Variants in CACNB2 observed in about 807,000 individuals in gnomAD.
CACNB2 encodes calcium voltage-gated channel auxiliary subunit beta 2.
A neutral mutation model predicts 73.3 loss-of-function variants in CACNB2; 42 were observed. The ratio of observed to expected loss-of-function variants is 0.57; its 90% CI spans 0.45 to 0.74. CACNB2 has a LOEUF of 0.74. CACNB2 is among the 30% of genes least tolerant of loss of function. The pLI is 0.00. For missense variants in CACNB2, 940 were observed against 853.0 expected (o/e 1.10, Z -1.27); for synonymous variants, 348 against 310.3 (o/e 1.12, Z -1.28).
intron 2 of CACNB2, among the ~76,000 whole-genome samples, chr10:18,323,174 G>T (rs2040457601): frequency 6.6e-6 from 1 of 151,658 alleles, no homozygotes; most frequent in South Asian, 2.1e-4. Flanking sequence ...GCCCAGGCTG[G>T]TCTTGAACTC....
At chr10:18,478,391 G>A (rs945156593) in intron 3 of CACNB2, among the ~76,000 whole-genome samples, 3 of 152,136 alleles carry the variant, frequency 2.0e-5, no homozygotes, top group Non-Finnish European at 2.9e-5. Context: ...CTCCAATTGC[G>A]ACATTCTTCA....
intron 2 of CACNB2, among the ~76,000 whole-genome samples, chr10:18,232,785 A>G (rs1300591335): frequency 1.3e-5 from 2 of 152,188 alleles, no homozygotes; most frequent in Admixed American, 6.5e-5. Flanking sequence ...ATATCCCAGT[A>G]TCTTTTGAAT....
intron 2 of CACNB2, among the ~76,000 whole-genome samples, chr10:18,155,477 G>A (rs1456164788): frequency 6.6e-6 from 1 of 152,114 alleles, no homozygotes; most frequent in Non-Finnish European, 1.5e-5. Flanking sequence ...GTAGACATTG[G>A]GCCATTTCCA....
chr10:18,351,094 A>G (rs1412754653), intron 2 of CACNB2, among the ~76,000 whole-genome samples: 1 of 152,080 alleles, frequency 6.6e-6, no homozygotes, highest in Non-Finnish European at 1.5e-5. Context: ...AGGAGAATGT[A>G]TATAAAAACA....
intron 2 of CACNB2, among the ~76,000 whole-genome samples, chr10:18,312,678 C>T (rs1366491868): frequency 1.3e-5 from 2 of 152,168 alleles, no homozygotes; most frequent in Non-Finnish European, 2.9e-5. Context: ...TGTCTTCATA[C>T]ACTGAATTAG....
At chr10:18,486,367 C>T (rs947547877) in intron 3 of CACNB2, among the ~76,000 whole-genome samples, 1 of 152,128 alleles carries the variant, frequency 6.6e-6, no homozygotes, top group Admixed American at 6.6e-5. Flanking sequence ...TATTTCATAA[C>T]CAAAGATATT....
chr10:18,501,308 A>G (rs2050181074), intron 5 of CACNB2, among the ~76,000 whole-genome samples: 1 of 152,214 alleles, frequency 6.6e-6, no homozygotes, highest in African/African-American at 2.4e-5. Flanking sequence ...GCTGCCTGGT[A>G]TGGCTGGGAG....
At chr10:18,287,490 A>C (rs1167810933) in intron 2 of CACNB2, among the ~76,000 whole-genome samples, 2 of 152,194 alleles carry the variant, frequency 1.3e-5, no homozygotes, top group Non-Finnish European at 2.9e-5. Context: ...GGTGTAACAA[A>C]AGCACCAAAA....
intron 12 of CACNB2, 139 bp from the exon 13 acceptor site, chr10:18,538,041 G>GAGAC (rs2053778341): frequency 1.4e-5 from 11 of 799,496 alleles, no homozygotes; most frequent in Non-Finnish European, 2.4e-5. Flanking sequence ...AATAAAAAGG[G>GAGAC]AGATAGTAGC....
chr10:18,261,246 C>T, intron 2 of CACNB2: 1 of 1,550,784 alleles, frequency 6.4e-7, no homozygotes, highest in East Asian at 2.4e-5. Flanking sequence ...AAGCCACACG[C>T]TGACTGCGTT....
At position 18,504,994 on chromosome 10, in the gene CACNB2, C is replaced by T. The variant is rs1000816871; in HGVS notation, c.594-1477C>T. Among the ~76,000 whole-genome samples, 17 of 152,052 alleles carry T rather than the reference C, an allele frequency of 1.1e-4. No homozygotes were observed. The East Asian group carries it at 1.4e-3, about 12-fold the overall frequency. ...TTGTTTTGAGGACATAACCAGAATCCGGCAGTCTTTAAAAACTCTGATACA... is the reference window on the plus strand; with the variant it reads ...TTGTTTTGAGGACATAACCAGAATCTGGCAGTCTTTAAAAACTCTGATACA... On this transcript the variant is annotated intron_variant, in intron 5 of 13. Transcript: ENST00000324631.
intron 2 of CACNB2, among the ~76,000 whole-genome samples, chr10:18,208,959 C>T (rs1159717887): frequency 6.6e-6 from 1 of 152,150 alleles, no homozygotes; most frequent in Non-Finnish European, 1.5e-5. Flanking sequence ...TCATCGTTGG[C>T]ATTTGATGAC....
chr10:18,404,436 A>G (rs2132557909), intron 3 of CACNB2, among the ~76,000 whole-genome samples: 1 of 152,328 alleles, frequency 6.6e-6, no homozygotes, highest in East Asian at 1.9e-4. Flanking sequence ...CCTTAATGAA[A>G]CCTACTTCAA....
chr10:18,156,377 C>G (rs2032043670), intron 2 of CACNB2, among the ~76,000 whole-genome samples: 1 of 152,214 alleles, frequency 6.6e-6, no homozygotes, highest in Non-Finnish European at 1.5e-5. Context: ...TCTTCTGGCC[C>G]TTGACATTAT....
chr10:18,481,192 C>CAATATATATATATATA (rs1228539443), intron 3 of CACNB2, among the ~76,000 whole-genome samples: 3 of 36,700 alleles, frequency 8.2e-5, no homozygotes, highest in Non-Finnish European at 1.3e-4. Context: ...TACATCTTCG[C>CAATATATATATATATA]TATATATATA....
chr10:18,448,426 G>C (rs2046842748), intron 3 of CACNB2, among the ~76,000 whole-genome samples: 1 of 133,296 alleles, frequency 7.5e-6, no homozygotes, highest in Non-Finnish European at 1.5e-5. Context: ...GGTGAGCTGA[G>C]ATTGTGTCAT....
chr10:18,214,868 T>C (rs1236065700), intron 2 of CACNB2, among the ~76,000 whole-genome samples: 3 of 152,164 alleles, frequency 2.0e-5, no homozygotes, highest in Non-Finnish European at 4.4e-5. Context: ...GCTGTGCCTG[T>C]GTGTACTGGC....
chr10:18,506,424 A>G, intron 5 of CACNB2, 47 bp from the exon 6 acceptor site: 1 of 921,378 alleles, frequency 1.1e-6, no homozygotes, highest in South Asian at 1.3e-5. Context: ...ATGTTTGAGG[A>G]TGCGAAATAA....
intron 3 of CACNB2, among the ~76,000 whole-genome samples, chr10:18,408,646 G>C (rs1415830331): frequency 6.6e-6 from 1 of 152,126 alleles, no homozygotes; most frequent in African/African-American, 2.4e-5. Context: ...AAACCAAGAT[G>C]CTCAGGCAGT....
Sources: gnomAD v4.1 joint callset for allele counts (sites outside exome capture counted in the v4.1 genomes callset) on GRCh38, gnomAD v4.1.1 for gene constraint, MANE v1.5 for transcripts, NCBI Gene and HGNC (gene_info 2026-07-23, HGNC 2026-07-21) for gene names.